The following STX18 variants were observed in gnomAD, a reference collection of about 807,000 sequenced individuals.
The protein encoded by STX18 is syntaxin-18.
Under a neutral mutation model 50.1 loss-of-function variants are expected in STX18, and 40 were observed. That is an observed-to-expected ratio of 0.80 (90% CI 0.62 to 1.04). The LOEUF (loss-of-function observed/expected upper bound fraction) is 1.04, where lower values mean the gene tolerates loss of function less well. Ranked by LOEUF, STX18 falls within the 50% of genes least tolerant of loss-of-function variation. The pLI is 0.00. For missense variants in STX18, 410 were observed against 415.8 expected (o/e 0.99, Z 0.12); for synonymous variants, 158 against 151.8 (o/e 1.04, Z -0.30).
At chr4:4,521,715 T>G (rs998384842) in intron 1 of STX18, among the ~76,000 whole-genome samples, 11 of 151,972 alleles carry the variant, frequency 7.2e-5, no homozygotes, top group African/African-American at 2.7e-4. Context: ...AAGAAGAATA[T>G]CCCCAGGAAC....
At chr4:4,450,589 C>A (rs1213833056) in intron 5 of STX18, among the ~76,000 whole-genome samples, 3 of 152,202 alleles carry the variant, frequency 2.0e-5, no homozygotes, top group South Asian at 4.1e-4. Context: ...CAGGCGTGAG[C>A]CACTACATCC....
At chr4:4,495,563 C>CTTTTTTT (rs35298335) in intron 1 of STX18, among the ~76,000 whole-genome samples, 4 of 129,980 alleles carry the variant, frequency 3.1e-5, no homozygotes, top group African/African-American at 1.2e-4. Flanking sequence ...TTTTTCTTTT[C>CTTTTTTT]TTTTTTTTTT....
intron 8 of STX18, 72 bp from the exon 9 acceptor site, chr4:4,423,659 A>G: frequency 1.4e-6 from 2 of 1,464,990 alleles, no homozygotes; most frequent in South Asian, 2.3e-5. Context: ...ACACACTTCT[A>G]AAGAAATCCT....
intron 6 of STX18, among the ~76,000 whole-genome samples, chr4:4,436,614 G>C (rs1725791090): frequency 6.6e-6 from 1 of 152,206 alleles, no homozygotes; most frequent in Admixed American, 6.5e-5. Context: ...ATGCTCATTT[G>C]TGGCCATCAG....
At chr4:4,428,638 G>A (rs946466005) in intron 7 of STX18, among the ~76,000 whole-genome samples, 2 of 152,134 alleles carry the variant, frequency 1.3e-5, no homozygotes, top group Non-Finnish European at 2.9e-5. Context: ...CAAAGTCCTA[G>A]AGGCCTGCTG....
chr4:4,531,594 T>C (rs182367570), intron 1 of STX18, among the ~76,000 whole-genome samples: 112 of 152,318 alleles, frequency 7.4e-4, no homozygotes, highest in Non-Finnish European at 1.1e-3. Context: ...AAGCCCCCAC[T>C]GGCCTTGTTA....
chr4:4,519,406 T>C (rs1441087), intron 1 of STX18, among the ~76,000 whole-genome samples: 33,731 of 151,978 alleles, frequency 0.22, 3,901 homozygotes, highest in East Asian at 0.32. Context: ...ACTAACATTT[T>C]TGTTTCTAGT....
chr4:4,433,443 T>TCTGCTGAC (rs1239153000), intron 7 of STX18, among the ~76,000 whole-genome samples: 3 of 151,430 alleles, frequency 2.0e-5, no homozygotes. Context: ...CACTTGTTTA[T>TCTGCTGAC]CTGCTGACCT....
intron 1 of STX18, among the ~76,000 whole-genome samples, chr4:4,498,744 T>C (rs1165767709): frequency 6.6e-6 from 1 of 152,146 alleles, no homozygotes; most frequent in African/African-American, 2.4e-5. Flanking sequence ...ATAAATCAAA[T>C]AGCAAAGCAG....
intron 1 of STX18, chr4:4,507,318 G>A (rs574862318): frequency 2.2e-5 from 16 of 732,588 alleles, no homozygotes; most frequent in African/African-American, 1.7e-4. Flanking sequence ...TCAAGGCTCA[G>A]CTCACAGAGC....
chr4:4,503,734 T>C (rs1462074406), intron 1 of STX18, among the ~76,000 whole-genome samples: 1 of 152,074 alleles, frequency 6.6e-6, no homozygotes, highest in East Asian at 1.9e-4. Flanking sequence ...AATGGAAATG[T>C]GAGTTCAAGG....
In STX18 at chr4:4,452,975, T is replaced by C. The variant is rs144829052; in HGVS notation, c.497+4216A>G. ...GGTGGAAACAGCCAGAGAACTAAGA[T>C]TGGAAGTGGAGACTGAAGATGCGGC... On this transcript the variant is annotated intron_variant, in intron 5 of 10. Transcript: ENST00000306200. Among the ~76,000 whole-genome samples the C allele has an allele frequency of 1.3e-4, 20 of 152,232 alleles. No homozygotes were observed. In the East Asian group the frequency reaches 2.7e-3, roughly 21 times the overall value.
At chr4:4,456,122 A>C (rs1335853868) in intron 5 of STX18, among the ~76,000 whole-genome samples, 1 of 152,022 alleles carries the variant, frequency 6.6e-6, no homozygotes, top group Non-Finnish European at 1.5e-5. Flanking sequence ...TATAAAATAA[A>C]ATTAAAAAAT....
intron 1 of STX18, among the ~76,000 whole-genome samples, chr4:4,532,649 TA>T (rs1157890195): frequency 1.3e-5 from 2 of 152,130 alleles, no homozygotes; most frequent in African/African-American, 4.8e-5. Flanking sequence ...AACCTCTCAT[TA>T]AAAAAATCAG....
intron 2 of STX18, among the ~76,000 whole-genome samples, chr4:4,462,972 G>GT (rs1211238751): frequency 6.6e-6 from 1 of 152,218 alleles, no homozygotes; most frequent in Non-Finnish European, 1.5e-5. Context: ...TCCTTTTGCT[G>GT]TTTGAGTATA....
chr4:4,508,042 T>G (rs1729810689), intron 1 of STX18, among the ~76,000 whole-genome samples: 1 of 152,284 alleles, frequency 6.6e-6, no homozygotes, highest in African/African-American at 2.4e-5. Context: ...TGTTTTTAAC[T>G]TCAACACTAG....
intron 1 of STX18, among the ~76,000 whole-genome samples, chr4:4,519,745 T>C (rs557334218): frequency 6.6e-6 from 1 of 152,194 alleles, no homozygotes; most frequent in Non-Finnish European, 1.5e-5. Flanking sequence ...TTCCCCATGG[T>C]AGAATTATTG....
Position 4,420,945 on chromosome 4 carries a change from C to G in STX18, c.832-1G>C. 1 of 1,614,062 alleles carries G rather than the reference C, an allele frequency of 6.2e-7. No individual in the cohort carries two copies. The highest frequency in any genetic ancestry group is 8.5e-7 in the Non-Finnish European group (1 of 1,179,950). On this transcript the variant is annotated splice_acceptor_variant, in intron 9 of 10. Transcript: ENST00000306200. LOFTEE classifies it high-confidence loss of function. This position sits in a 1 kb window ranked among gnomAD's most constrained non-coding sequence, Gnocchi z 4.3. ...GGTGAATGCTGTCAATCTCAGCTTC[C>G]TGTGGAAGAAAAGATAAATACAAGT...
At chr4:4,510,122 G>A (rs1049817749) in intron 1 of STX18, among the ~76,000 whole-genome samples, 6 of 152,162 alleles carry the variant, frequency 3.9e-5, no homozygotes, top group Middle Eastern at 3.2e-3. Flanking sequence ...ACCACGCATC[G>A]TTTTATGAGC....
Sources: allele counts gnomAD v4.1 joint callset (sites outside exome capture counted in the v4.1 genomes callset), GRCh38; gene constraint gnomAD v4.1.1; non-coding constraint Gnocchi (gnomAD v3.1); transcripts MANE v1.5; gene names NCBI Gene and HGNC (gene_info 2026-07-23, HGNC 2026-07-21).